KIAA0930: variants seen among roughly 807,000 people sequenced by gnomAD.
The protein encoded by KIAA0930 is uncharacterized protein KIAA0930.
Under a neutral mutation model 43.9 loss-of-function variants are expected in KIAA0930, and 24 were observed. That is an observed-to-expected ratio of 0.55 (90% CI 0.40 to 0.77). The LOEUF is 0.77. Among genes scored for constraint, KIAA0930 ranks in the 30% least tolerant of loss-of-function variants. The pLI is 0.00. For synonymous variants in KIAA0930, 259 were observed against 216.4 expected (o/e 1.20, Z -1.73); for missense variants, 461 against 574.2 (o/e 0.80, Z 2.02).
chr22:45,231,107 G>A (rs756466096), intron 1 of KIAA0930, among the ~76,000 whole-genome samples: 2 of 151,526 alleles, frequency 1.3e-5, no homozygotes, highest in Non-Finnish European at 2.9e-5. Flanking sequence ...ATAAAAATCA[G>A]CCAGGCATGG....
At chr22:45,231,712 G>C (rs564806651) in intron 1 of KIAA0930, among the ~76,000 whole-genome samples, 2 of 152,242 alleles carry the variant, frequency 1.3e-5, no homozygotes, top group Admixed American at 1.3e-4. Context: ...AAATTAACAG[G>C]CACACCAGGC....
chr22:45,194,644 C>G lies in KIAA0930; in HGVS notation c.*2532G>C, dbSNP rs1291298463. 1 of 152,202 alleles carries G rather than the reference C, an allele frequency of 6.6e-6. No individual in the cohort carries two copies. The highest frequency in any genetic ancestry group is 2.4e-5 in the African/African-American group (1 of 41,454). The allele number at this position is 152,202 out of a possible 1,614,324, so 9.4% of individuals were successfully genotyped here. A position where few individuals can be genotyped will look rare whatever the true frequency, so the allele number is the denominator to read the frequency against. Reference sequence around the variant, plus strand: ...TACTCTATTACTTTATTCCACATGTCATCTGTTACTTTGGAAAAACAAACC... The same window carrying G: ...TACTCTATTACTTTATTCCACATGTGATCTGTTACTTTGGAAAAACAAACC... On this transcript the variant is annotated 3_prime_UTR_variant, in exon 10 of 10. Transcript: ENST00000336156.
At chr22:45,216,134 C>A (rs2083731065) in intron 1 of KIAA0930, among the ~76,000 whole-genome samples, 1 of 152,160 alleles carries the variant, frequency 6.6e-6, no homozygotes. Flanking sequence ...CATCCAAGAG[C>A]CAGGAAAGGT....
At chr22:45,205,742 G>A in intron 3 of KIAA0930, 35 bp from the exon 4 acceptor site, 2 of 1,613,204 alleles carry the variant, frequency 1.2e-6, no homozygotes, top group Non-Finnish European at 1.7e-6. Context: ...GCAGGGAGGG[G>A]TCAGCCATCC....
rs2083633311 is a variant in KIAA0930 at position 45,205,868 on chromosome 22, G to A, written c.261C>T (p.Ser87=). Reference sequence around the variant, plus strand: ...GGTCTCCCAGGCCTGGCAGCTTCTTGGAGTCCCGCCGGTACACCTCCACCT... The same window carrying A: ...GGTCTCCCAGGCCTGGCAGCTTCTTAGAGTCCCGCCGGTACACCTCCACCT... The part of the protein sequence containing the change: ...EVEVEVYRRD[S]KKLPGLGDPD... Residue 87 remains serine (S), a synonymous_variant, in exon 3 of 10, where the codon TCC becomes TCT. Transcript: ENST00000336156. The A allele has an allele frequency of 6.2e-7, 1 of 1,600,456 alleles. No individual in the cohort carries two copies. Among genetic ancestry groups the A allele is most frequent in the South Asian group, 1.1e-5 (1 of 90,774 alleles).
At chr22:45,229,354 ACTCC>A (rs2083836560) in intron 1 of KIAA0930, among the ~76,000 whole-genome samples, 1 of 107,644 alleles carries the variant, frequency 9.3e-6, no homozygotes, top group Non-Finnish European at 2.0e-5. Flanking sequence ...ATCCCTCTCC[ACTCC>A]CCCATCACCA....
chr22:45,214,948 T>C (rs2083722207), intron 1 of KIAA0930, among the ~76,000 whole-genome samples: 2 of 151,342 alleles, frequency 1.3e-5, no homozygotes, highest in African/African-American at 4.9e-5. Context: ...CCAGGTGCAG[T>C]GGCTCACACC....
Position 45,215,235 on chromosome 22 carries a change from A to C in KIAA0930, c.65-3128T>G, listed in dbSNP as rs138413429. ...CCTGTCTCAAAAAATTAATTAATTT[A>C]AAAAACATAAAAACTTATCAAACTG... On this transcript the variant is annotated intron_variant, in intron 1 of 9. Coordinates refer to ENST00000336156, the MANE Select transcript of KIAA0930 (RefSeq NM_001009880.2). Among the ~76,000 whole-genome samples the C allele has an allele frequency of 1.9e-3, 297 of 152,346 alleles. 7 individuals carry two copies. The East Asian group carries it at 0.052, about 27-fold the overall frequency.
At chr22:45,221,339 AAAG>A (rs1274581501) in intron 1 of KIAA0930, among the ~76,000 whole-genome samples, 3 of 152,222 alleles carry the variant, frequency 2.0e-5, no homozygotes, top group Non-Finnish European at 2.9e-5. Flanking sequence ...GGCAGTACGT[AAAG>A]AAATGGCATG....
In KIAA0930 at chr22:45,240,747, TC is replaced by T; in HGVS notation, c.-45del. 1 of 877,614 alleles carries T rather than the reference TC, an allele frequency of 1.1e-6. No homozygotes were observed. The highest frequency in any genetic ancestry group is 1.3e-6 in the Non-Finnish European group (1 of 763,944). 54.4% of individuals were successfully genotyped at this position (877,614 alleles called of 1,614,324 possible). A position where few individuals can be genotyped will look rare whatever the true frequency, so the allele number is the denominator to read the frequency against. ...CTCGGCCTCGGCGCCGCCCGCAGGC[TC>T]GGGGGCGGCGGCGGCGGGGAGGGCG... On this transcript the variant is annotated 5_prime_UTR_variant, in exon 1 of 10. Transcript: ENST00000336156.
intron 1 of KIAA0930, among the ~76,000 whole-genome samples, chr22:45,216,805 G>A (rs1035329242): frequency 6.6e-6 from 1 of 152,056 alleles, no homozygotes; most frequent in Non-Finnish European, 1.5e-5. Context: ...AGCAGATGTG[G>A]CCCCGAAAGC....
Position 45,203,822 on chromosome 22 carries a change from C to A in KIAA0930, c.657+23G>T, listed in dbSNP as rs200593417. On this transcript the variant is annotated intron_variant, in intron 6 of 9. Coordinates refer to ENST00000336156, the MANE Select transcript of KIAA0930 (RefSeq NM_001009880.2). ...GCCGTCCCCGGGCCCAGAAGAACAC[C>A]CGTGAGGCCGCCCCGCACTCACCCG... The A allele has an allele frequency of 2.3e-5, 37 of 1,611,562 alleles. No homozygotes were observed. The East Asian group carries it at 8.3e-4, about 36-fold the overall frequency.
intron 2 of KIAA0930, among the ~76,000 whole-genome samples, chr22:45,209,418 G>A (rs2083672447): frequency 6.6e-6 from 1 of 152,170 alleles, no homozygotes; most frequent in Admixed American, 6.5e-5. Context: ...ATGCCAAGTT[G>A]GGGCAGCCCC....
intron 1 of KIAA0930, among the ~76,000 whole-genome samples, chr22:45,238,933 A>G (rs1388445445): frequency 1.3e-5 from 2 of 150,896 alleles, no homozygotes; most frequent in African/African-American, 5.0e-5. Context: ...TGATATGGAG[A>G]TAATACTGCT....
chr22:45,205,259 G>A lies in KIAA0930; in HGVS notation c.474C>T (p.Ile158=). 6.2e-7 allele frequency: 1 copy of A among 1,614,182 alleles called. No homozygotes were observed. The highest frequency in any genetic ancestry group is 8.5e-7 in the Non-Finnish European group (1 of 1,180,014). ...PMDSKGEESK[I]SYPNIFFMID... The stretch of plus-strand genomic sequence containing the variant: ...TCATGAAGAAGATGTTGGGGTAGCT[G>A]ATCTTGGACTCCTCCCCCTTGCTGT... The change falls in exon 5 of 10, where the codon ATC becomes ATT. Residue 158 remains isoleucine, a synonymous_variant. Transcript: ENST00000336156.
chr22:45,215,431 G>A (rs1385636976), intron 1 of KIAA0930, among the ~76,000 whole-genome samples: 1 of 152,120 alleles, frequency 6.6e-6, no homozygotes, highest in Non-Finnish European at 1.5e-5. Flanking sequence ...TCTACCTGAC[G>A]GCAGAGTACA....
chr22:45,209,926 T>A (rs955156863), intron 2 of KIAA0930, among the ~76,000 whole-genome samples: 2 of 152,140 alleles, frequency 1.3e-5, no homozygotes, highest in Admixed American at 6.5e-5. Context: ...CAGGCCTAGA[T>A]CCAGGGCTGC....
At chr22:45,197,974 G>GCC (rs2147732729) in intron 8 of KIAA0930, 26 bp from the exon 9 acceptor site, 1 of 1,612,506 alleles carries the variant, frequency 6.2e-7, no homozygotes, top group East Asian at 2.2e-5. Flanking sequence ...CCAGGTCAAG[G>GCC]CCCCCACAGC....
At chr22:45,219,079 C>A (rs1255391070) in intron 1 of KIAA0930, among the ~76,000 whole-genome samples, 1 of 152,188 alleles carries the variant, frequency 6.6e-6, no homozygotes, top group African/African-American at 2.4e-5. Context: ...TCACGTGAAT[C>A]CAATCACAAT....
Sources: allele counts gnomAD v4.1 joint callset (sites outside exome capture counted in the v4.1 genomes callset), GRCh38; gene constraint gnomAD v4.1.1; transcripts MANE v1.5; gene names NCBI Gene and HGNC (gene_info 2026-07-23, HGNC 2026-07-21).